Variants in JAZF1 observed in about 807,000 individuals in gnomAD.
JAZF1 encodes juxtaposed with another zinc finger protein 1.
In JAZF1, 8 loss-of-function variants were observed where a neutral mutation model predicts 26.4. That is an observed-to-expected ratio of 0.30 (90% CI 0.18 to 0.55). The LOEUF (loss-of-function observed/expected upper bound fraction) is 0.55, where lower values mean the gene tolerates loss of function less well. Ranked by LOEUF, JAZF1 falls within the 20% of genes least tolerant of loss-of-function variation. JAZF1 has a pLI of 0.94. For missense variants in JAZF1, 199 were observed against 322.0 expected (o/e 0.62, Z 2.92); for synonymous variants, 126 against 122.3 (o/e 1.03, Z -0.20).
chr7:28,147,813 G>A (rs1583585394), intron 1 of JAZF1, among the ~76,000 whole-genome samples: 2 of 152,026 alleles, frequency 1.3e-5, no homozygotes, highest in South Asian at 2.1e-4. Context: ...GGAGGCTGAG[G>A]TGGAAGGATC....
At chr7:28,112,557 C>G (rs1300029078) in intron 1 of JAZF1, among the ~76,000 whole-genome samples, 3 of 147,584 alleles carry the variant, frequency 2.0e-5, no homozygotes, top group Non-Finnish European at 4.4e-5. Context: ...AGAAATGCTA[C>G]AATTGGTTTA....
intron 1 of JAZF1, among the ~76,000 whole-genome samples, chr7:28,039,630 T>G (rs1196023034): frequency 2.0e-5 from 3 of 152,164 alleles, no homozygotes; most frequent in Non-Finnish European, 2.9e-5. Flanking sequence ...GTAAAGATAT[T>G]TAGGACCCAT....
chr7:28,015,386 G>C (rs1000569718), intron 1 of JAZF1, among the ~76,000 whole-genome samples: 2 of 152,076 alleles, frequency 1.3e-5, no homozygotes, highest in African/African-American at 4.8e-5. Flanking sequence ...CATCAATTTG[G>C]TTCATTAATT....
At chr7:27,983,072 G>A (rs923809271) in intron 2 of JAZF1, among the ~76,000 whole-genome samples, 24 of 152,172 alleles carry the variant, frequency 1.6e-4, no homozygotes, top group Non-Finnish European at 2.1e-4. Context: ...TGGCAGCAAC[G>A]GAACAAAGCT....
chr7:28,084,893 A>T (rs1784189931), intron 1 of JAZF1, among the ~76,000 whole-genome samples: 1 of 152,186 alleles, frequency 6.6e-6, no homozygotes, highest in Non-Finnish European at 1.5e-5. Context: ...TGAATGGATT[A>T]ACATTTATGG....
At chr7:28,131,794 T>G (rs1474385564) in intron 1 of JAZF1, among the ~76,000 whole-genome samples, 1 of 152,230 alleles carries the variant, frequency 6.6e-6, no homozygotes, top group Non-Finnish European at 1.5e-5. Flanking sequence ...ACTGGGCTGT[T>G]ACTTTGCCAT....
chr7:27,861,002 TC>T (rs1289096218), intron 3 of JAZF1, among the ~76,000 whole-genome samples: 8 of 152,188 alleles, frequency 5.3e-5, no homozygotes, highest in Admixed American at 3.9e-4. Flanking sequence ...CCTTTTCCTC[TC>T]CCCACATGGG....
chr7:28,051,150 A>ACC (rs1466993822), intron 1 of JAZF1, among the ~76,000 whole-genome samples: 1 of 135,696 alleles, frequency 7.4e-6, no homozygotes, highest in South Asian at 2.2e-4. Flanking sequence ...AAAAAAAAAA[A>ACC]AAAAAACAAA....
chr7:28,165,661 A>G (rs1783356915), intron 1 of JAZF1, among the ~76,000 whole-genome samples: 1 of 152,108 alleles, frequency 6.6e-6, no homozygotes, highest in Admixed American at 6.5e-5. Flanking sequence ...AGATGCCCCA[A>G]TGGCTCATTC....
chr7:28,008,274 T>C (rs1782738737), intron 1 of JAZF1, among the ~76,000 whole-genome samples: 1 of 152,168 alleles, frequency 6.6e-6, no homozygotes, highest in Non-Finnish European at 1.5e-5. Flanking sequence ...TGCAGTACAG[T>C]GGCACAAACA....
At chr7:27,905,961 G>A (rs1399331049) in intron 2 of JAZF1, among the ~76,000 whole-genome samples, 1 of 151,950 alleles carries the variant, frequency 6.6e-6, no homozygotes, top group Admixed American at 6.6e-5. Context: ...CATATATATA[G>A]TATTATTTAT....
intron 1 of JAZF1, among the ~76,000 whole-genome samples, chr7:28,175,676 G>C: frequency 6.6e-6 from 1 of 152,200 alleles, no homozygotes; most frequent in Middle Eastern, 3.2e-3. Flanking sequence ...ACTTTCTAAA[G>C]GAGGAAACAG....
Position 28,118,784 on chromosome 7 carries a change from ACACACAC to A in JAZF1, c.115+61672_115+61678del, listed in dbSNP as rs1048322741. On this transcript the variant is annotated intron_variant, in intron 1 of 4. Coordinates refer to ENST00000283928, the MANE Select transcript of JAZF1 (RefSeq NM_175061.4). Reference sequence around the variant, plus strand: ...TTTACACACACACACACACACACACACACACACAACACACACACACACAGAGTCATGA... The same window carrying A: ...TTTACACACACACACACACACACACAAACACACACACACACAGAGTCATGA... 7.6e-4 allele frequency among the ~76,000 whole-genome samples: 115 copies of A among 151,870 alleles called. 1 individual carries two copies. The highest frequency in any genetic ancestry group is 2.6e-3 in the African/African-American group (107 of 41,372).
chr7:27,996,503 T>A (rs1403549335), intron 1 of JAZF1, among the ~76,000 whole-genome samples: 1 of 152,118 alleles, frequency 6.6e-6, no homozygotes, highest in Non-Finnish European at 1.5e-5. Context: ...CCCAGCCAGA[T>A]GAGTAATTTT....
chr7:27,998,552 A>G (rs1237103385), intron 1 of JAZF1, among the ~76,000 whole-genome samples: 1 of 152,182 alleles, frequency 6.6e-6, no homozygotes, highest in Non-Finnish European at 1.5e-5. Flanking sequence ...GTCATTTGAA[A>G]CTTTTCCCAA....
chr7:28,159,005 G>A lies in JAZF1; in HGVS notation c.115+21458C>T, dbSNP rs541323660. On this transcript the variant is annotated intron_variant, in intron 1 of 4. Coordinates refer to ENST00000283928, the MANE Select transcript of JAZF1 (RefSeq NM_175061.4). Reference sequence around the variant, plus strand: ...GGCCCTGGGAACTGCAGTGCACTTGGCTTTGAGTCCCTGCCCTTAAGGAGC... The same window carrying A: ...GGCCCTGGGAACTGCAGTGCACTTGACTTTGAGTCCCTGCCCTTAAGGAGC... Among the ~76,000 whole-genome samples, 16 of 152,280 alleles carry A rather than the reference G, an allele frequency of 1.1e-4. No individual in the cohort carries two copies. In the South Asian group the frequency reaches 3.3e-3, roughly 32 times the overall value.
At chr7:27,931,272 C>G (rs1254823879) in intron 2 of JAZF1, among the ~76,000 whole-genome samples, 5 of 152,134 alleles carry the variant, frequency 3.3e-5, no homozygotes, top group African/African-American at 4.8e-5. Flanking sequence ...GTCTGTGTTT[C>G]AATAAAACTT....
intron 1 of JAZF1, among the ~76,000 whole-genome samples, chr7:28,136,061 T>C (rs1782880563): frequency 6.6e-6 from 1 of 152,212 alleles, no homozygotes; most frequent in Non-Finnish European, 1.5e-5. Context: ...AATGTATGGA[T>C]AGCACTGCCA....
At chr7:28,155,312 G>A (rs1783165634) in intron 1 of JAZF1, among the ~76,000 whole-genome samples, 1 of 152,104 alleles carries the variant, frequency 6.6e-6, no homozygotes, top group Non-Finnish European at 1.5e-5. Context: ...ATTAAAACCT[G>A]GCCCACTAAT....
Sources: allele counts gnomAD v4.1 joint callset (sites outside exome capture counted in the v4.1 genomes callset), GRCh38; gene constraint gnomAD v4.1.1; transcripts MANE v1.5; gene names NCBI Gene and HGNC (gene_info 2026-07-23, HGNC 2026-07-21).